The following CLEC16A variants were observed in gnomAD, a reference collection of about 807,000 sequenced individuals.
CLEC16A encodes C-type lectin domain containing 16A, also known as protein CLEC16A.
CLEC16A carries 51 observed loss-of-function variants against 109.5 expected under a neutral mutation model. The observed-to-expected ratio is 0.47, with a 90% CI of 0.37 to 0.59. CLEC16A has a LOEUF of 0.59. CLEC16A is among the 20% of genes least tolerant of loss of function. The pLI is 0.00. For missense variants in CLEC16A, 1,339 were observed against 1,394.0 expected (o/e 0.96, Z 0.63); for synonymous variants, 673 against 564.2 (o/e 1.19, Z -2.73).
chr16:11,010,094 A>G (rs1411160190), intron 11 of CLEC16A, among the ~76,000 whole-genome samples: 3 of 152,110 alleles, frequency 2.0e-5, no homozygotes, highest in African/African-American at 7.2e-5. Flanking sequence ...TTGAAGCTAC[A>G]GTGAACTGTG....
intron 1 of CLEC16A, among the ~76,000 whole-genome samples, chr16:10,956,945 C>G (rs948581800): frequency 6.6e-6 from 1 of 152,092 alleles, no homozygotes; most frequent in African/African-American, 2.4e-5. Context: ...TTACAGACTT[C>G]GCCACCACAC....
At position 11,088,993 on chromosome 16, in the gene CLEC16A, T is replaced by C. The variant is rs374605280; in HGVS notation, c.2116+27971T>C. Among the ~76,000 whole-genome samples the C allele has an allele frequency of 2.9e-3, 449 of 152,246 alleles. 2 individuals carry two copies. Among genetic ancestry groups the C allele is most frequent in the African/African-American group, 9.9e-3 (411 of 41,564 alleles). On this transcript the variant is annotated intron_variant, in intron 19 of 23. Transcript: ENST00000409790. ...TTCCCCAGCCACCCACAGTACCCCC[T>C]TTCCCCCCAGGCCACCTGCTTCTCC... is the stretch of plus-strand genomic sequence containing the variant.
At chr16:11,055,601 TTTTTTG>T in intron 18 of CLEC16A, among the ~76,000 whole-genome samples, 1 of 136,032 alleles carries the variant, frequency 7.4e-6, no homozygotes, top group Non-Finnish European at 1.6e-5. Context: ...TTTTTTTTTT[TTTTTTG>T]AGACGAGTCT....
At chr16:11,091,135 C>A (rs1771537351) in intron 19 of CLEC16A, among the ~76,000 whole-genome samples, 1 of 152,206 alleles carries the variant, frequency 6.6e-6, no homozygotes, top group African/African-American at 2.4e-5. Context: ...TCTCCTTTCT[C>A]CATAAAGACG....
At chr16:11,137,197 T>A (rs1345341193) in intron 22 of CLEC16A, among the ~76,000 whole-genome samples, 1 of 152,084 alleles carries the variant, frequency 6.6e-6, no homozygotes, top group Non-Finnish European at 1.5e-5. Context: ...GTGTTTTTTT[T>A]CTTTGCTTCT....
chr16:11,134,357 C>T (rs1454706068), intron 22 of CLEC16A, among the ~76,000 whole-genome samples: 1 of 152,086 alleles, frequency 6.6e-6, no homozygotes, highest in African/African-American at 2.4e-5. Context: ...CCATGTTGGG[C>T]ACTTTATATG....
At chr16:11,032,770 C>A (rs767775325) in intron 13 of CLEC16A, among the ~76,000 whole-genome samples, 1 of 152,098 alleles carries the variant, frequency 6.6e-6, no homozygotes, top group Admixed American at 6.5e-5. Context: ...TGTACAGAGG[C>A]CCCGGGGTGG....
chr16:11,172,493 CTGTT>C (rs1192988865), intron 23 of CLEC16A, among the ~76,000 whole-genome samples: 1 of 152,196 alleles, frequency 6.6e-6, no homozygotes. Flanking sequence ...AGACAGAAAA[CTGTT>C]TGATCAAAAA....
intron 22 of CLEC16A, among the ~76,000 whole-genome samples, chr16:11,132,428 A>G (rs2053277123): frequency 6.6e-6 from 1 of 152,002 alleles, no homozygotes; most frequent in Non-Finnish European, 1.5e-5. Context: ...CATTATATGG[A>G]TAGACGTTGT....
chr16:10,980,105 T>C (rs1039029961), intron 9 of CLEC16A, among the ~76,000 whole-genome samples: 2 of 152,240 alleles, frequency 1.3e-5, no homozygotes, highest in African/African-American at 4.8e-5. Flanking sequence ...GCTTTTGCAA[T>C]GGCACAGGTA....
chr16:11,006,806 C>T (rs1378449389), intron 11 of CLEC16A, among the ~76,000 whole-genome samples: 3 of 152,142 alleles, frequency 2.0e-5, no homozygotes, highest in African/African-American at 7.2e-5. Flanking sequence ...AATGAATGTG[C>T]ACCCCTAACC....
intron 9 of CLEC16A, among the ~76,000 whole-genome samples, chr16:10,981,225 A>G (rs911035163): frequency 6.6e-5 from 10 of 152,248 alleles, no homozygotes; most frequent in Non-Finnish European, 1.2e-4. Flanking sequence ...GGCCGCATTC[A>G]TTCAAGGTAC....
intron 2 of CLEC16A, among the ~76,000 whole-genome samples, chr16:10,962,115 T>C (rs61224221): frequency 0.18 from 27,788 of 151,048 alleles, 2,741 homozygotes; most frequent in South Asian, 0.32. Context: ...ACCGCCTAAT[T>C]TTTTTTTTCT....
intron 15 of CLEC16A, among the ~76,000 whole-genome samples, chr16:11,043,074 A>G (rs2047436950): frequency 7.6e-6 from 1 of 131,248 alleles, no homozygotes; most frequent in African/African-American, 3.8e-5. Context: ...GTTTGTGTAT[A>G]TATATACACA....
chr16:10,946,227 G>A (rs1282404680), intron 1 of CLEC16A, among the ~76,000 whole-genome samples: 1 of 152,192 alleles, frequency 6.6e-6, no homozygotes, highest in Non-Finnish European at 1.5e-5. Flanking sequence ...GATATGGTGG[G>A]AAGTAGTGGA....
intron 11 of CLEC16A, among the ~76,000 whole-genome samples, chr16:11,009,075 C>G (rs2045234784): frequency 6.6e-6 from 1 of 152,190 alleles, no homozygotes; most frequent in Admixed American, 6.5e-5. Context: ...CATTTTTCAT[C>G]TTGTAAAACC....
chr16:11,113,456 C>T (rs1183041235), intron 19 of CLEC16A, among the ~76,000 whole-genome samples: 4 of 152,088 alleles, frequency 2.6e-5, no homozygotes, highest in Non-Finnish European at 4.4e-5. Context: ...GCCAGCAGTT[C>T]GAGTCCAGCC....
At chr16:11,075,322 G>A (rs1159010577) in intron 19 of CLEC16A, among the ~76,000 whole-genome samples, 1 of 152,052 alleles carries the variant, frequency 6.6e-6, no homozygotes, top group African/African-American at 2.4e-5. Context: ...TCCAGGGAGG[G>A]GCAGGGGTCC....
chr16:11,025,117 G>A (rs948577950), intron 13 of CLEC16A, among the ~76,000 whole-genome samples, 196 bp downstream of exon 13: 1 of 152,106 alleles, frequency 6.6e-6, no homozygotes, highest in Non-Finnish European at 1.5e-5. Flanking sequence ...TCTACCAACT[G>A]AAGCCACAGG....
Sources: gnomAD v4.1 joint callset for allele counts (sites outside exome capture counted in the v4.1 genomes callset) on GRCh38, gnomAD v4.1.1 for gene constraint, MANE v1.5 for transcripts, NCBI Gene and HGNC (gene_info 2026-07-23, HGNC 2026-07-21) for gene names.